RPTOR: variants seen among roughly 807,000 people sequenced by gnomAD.
The protein encoded by RPTOR is regulatory associated protein of MTOR complex 1, also known as regulatory-associated protein of mTOR.
RPTOR carries 21 observed loss-of-function variants against 169.9 expected under a neutral mutation model. That is an observed-to-expected ratio of 0.12 (90% CI 0.09 to 0.18). The LOEUF (loss-of-function observed/expected upper bound fraction) is 0.18, where lower values mean the gene tolerates loss of function less well. Among genes scored for constraint, RPTOR ranks in the 10% least tolerant of loss-of-function variants. The pLI is 1.00. For synonymous variants in RPTOR, 732 were observed against 753.2 expected (o/e 0.97, Z 0.46); for missense variants, 1,133 against 1,855.9 (o/e 0.61, Z 7.16).
In RPTOR at chr17:80,649,335, G is replaced by A. The variant is rs551615422; in HGVS notation, c.348+5525G>A. ...CTGGTGAAAATGGCCCTATAATTGC[G>A]ATTGGCAGCATCCCTTGGCGTGCGG... On this transcript the variant is annotated intron_variant, in intron 3 of 33. Transcript: ENST00000306801. 1.1e-4 allele frequency among the ~76,000 whole-genome samples: 16 copies of A among 152,268 alleles called. No individual in the cohort carries two copies. In the South Asian group the frequency reaches 2.1e-3, roughly 20 times the overall value.
At chr17:80,758,391 C>T (rs1337240135) in intron 6 of RPTOR, among the ~76,000 whole-genome samples, 1 of 152,108 alleles carries the variant, frequency 6.6e-6, no homozygotes, top group Non-Finnish European at 1.5e-5. Flanking sequence ...TTGTGGGGTG[C>T]TTTGAATGCT....
intron 1 of RPTOR, among the ~76,000 whole-genome samples, chr17:80,569,085 A>G (rs1201162478): frequency 6.6e-6 from 1 of 152,126 alleles, no homozygotes; most frequent in Non-Finnish European, 1.5e-5. Context: ...AAATCCTTGA[A>G]CAAATTTGTA....
chr17:80,745,162 G>C (rs1412685923), intron 5 of RPTOR, among the ~76,000 whole-genome samples: 1 of 152,238 alleles, frequency 6.6e-6, no homozygotes, highest in Admixed American at 6.5e-5. Context: ...TCCTTTAGTT[G>C]ACTGTGAGAG....
At chr17:80,632,332 G>T (rs2065448643) in intron 2 of RPTOR, among the ~76,000 whole-genome samples, 3 of 152,232 alleles carry the variant, frequency 2.0e-5, no homozygotes, top group South Asian at 4.1e-4. Flanking sequence ...GTGCTCCGGG[G>T]ACGGGACGCG....
chr17:80,786,609 T>C (rs1259564286), intron 6 of RPTOR, among the ~76,000 whole-genome samples: 6 of 152,134 alleles, frequency 3.9e-5, no homozygotes, highest in Non-Finnish European at 8.8e-5. Flanking sequence ...CGAAAGTGAC[T>C]CCGGAGAATG....
chr17:80,694,756 G>A (rs2066022203), intron 3 of RPTOR, among the ~76,000 whole-genome samples: 1 of 152,230 alleles, frequency 6.6e-6, no homozygotes, highest in Admixed American at 6.5e-5. Flanking sequence ...TGATCAGGTT[G>A]TCGTGAGCTC....
intron 9 of RPTOR, among the ~76,000 whole-genome samples, chr17:80,834,274 C>T (rs1047201552): frequency 2.0e-5 from 3 of 152,238 alleles, no homozygotes; most frequent in African/African-American, 4.8e-5. Flanking sequence ...TGTCTTTCAG[C>T]GGTTTGTAGG....
intron 10 of RPTOR, among the ~76,000 whole-genome samples, chr17:80,839,720 G>A (rs1424408001): frequency 1.3e-5 from 2 of 152,252 alleles, no homozygotes; most frequent in South Asian, 2.1e-4. Flanking sequence ...GGAAACCTTC[G>A]GGAAACTGGC....
rs987507717 is a variant in RPTOR at position 80,860,335 on chromosome 17, G to A, written c.1509+2435G>A. Among the ~76,000 whole-genome samples the A allele has an allele frequency of 5.9e-5, 9 of 152,292 alleles. No homozygotes were observed. Among genetic ancestry groups the A allele is most frequent in the African/African-American group, 1.4e-4 (6 of 41,570 alleles). ...GGCAGGCACCCCGAGCCACAGGCTCGTACCCCGCACTGTGCGCTCTCACCC... is the reference window on the plus strand; with the variant it reads ...GGCAGGCACCCCGAGCCACAGGCTCATACCCCGCACTGTGCGCTCTCACCC... On this transcript the variant is annotated intron_variant, in intron 13 of 33. Transcript: ENST00000306801. The surrounding 1 kb of genome is among the most constrained non-coding windows in gnomAD (Gnocchi z 5.8).
At chr17:80,961,347 A>G (rs775018400) in intron 30 of RPTOR, 47 bp from the exon 31 acceptor site, 1 of 1,502,544 alleles carries the variant, frequency 6.7e-7, no homozygotes, top group African/African-American at 1.4e-5. Context: ...AAGGGTGGGG[A>G]CGTCCTTCAG....
chr17:80,827,629 G>T lies in RPTOR; in HGVS notation c.1136+4406G>T, dbSNP rs113594157. Among the ~76,000 whole-genome samples the T allele has an allele frequency of 2.8e-3, 421 of 152,266 alleles. 1 individual carries two copies. The highest frequency in any genetic ancestry group is 9.8e-3 in the African/African-American group (406 of 41,562). ...CCACACCTGGGACAGGGGTCCTGGG[G>T]CCACGTTCAAGCCTGTCCACCTCAG... On this transcript the variant is annotated intron_variant, in intron 9 of 33. Coordinates refer to ENST00000306801, the MANE Select transcript of RPTOR (RefSeq NM_020761.3).
intron 1 of RPTOR, among the ~76,000 whole-genome samples, chr17:80,618,366 C>A (rs2065328859): frequency 1.3e-5 from 2 of 149,730 alleles, no homozygotes; most frequent in Admixed American, 1.3e-4. Context: ...ATAACGATTC[C>A]TTTTATGAAA....
intron 13 of RPTOR, among the ~76,000 whole-genome samples, chr17:80,870,948 T>C (rs1400792135): frequency 6.6e-6 from 1 of 152,214 alleles, no homozygotes; most frequent in Non-Finnish European, 1.5e-5. Flanking sequence ...AATGTCCTTT[T>C]TCTGTCCCAG....
At chr17:80,747,534 G>A (rs2066587719) in intron 5 of RPTOR, among the ~76,000 whole-genome samples, 1 of 152,212 alleles carries the variant, frequency 6.6e-6, no homozygotes, top group South Asian at 2.1e-4. Context: ...GGCATATTTG[G>A]GATAAAGCTC....
intron 13 of RPTOR, among the ~76,000 whole-genome samples, chr17:80,868,246 C>G (rs9914551): frequency 0.062 from 9,449 of 152,186 alleles, 822 homozygotes; most frequent in African/African-American, 0.2. Context: ...AAAACAAACA[C>G]AAGCAGACAA....
At chr17:80,588,025 T>TCA (rs1568321635) in intron 1 of RPTOR, among the ~76,000 whole-genome samples, 1 of 152,196 alleles carries the variant, frequency 6.6e-6, no homozygotes, top group African/African-American at 2.4e-5. Flanking sequence ...CATGTGGTGT[T>TCA]TGTCCTTCTG....
intron 21 of RPTOR, chr17:80,909,943 C>T (rs1372601807): frequency 6.6e-6 from 1 of 152,178 alleles, no homozygotes; most frequent in African/African-American, 2.4e-5. Flanking sequence ...AGTCCTTTCT[C>T]TTTGGGGACT....
chr17:80,731,505 A>G (rs1031187695), intron 5 of RPTOR, among the ~76,000 whole-genome samples: 1 of 152,198 alleles, frequency 6.6e-6, no homozygotes, highest in Non-Finnish European at 1.5e-5. Context: ...AAGCCTGTGC[A>G]CCGCTCTGCT....
At position 80,964,648 on chromosome 17, in the gene RPTOR, A is replaced by G. The variant is rs2069402196; in HGVS notation, c.*318A>G. On this transcript the variant is annotated 3_prime_UTR_variant, in exon 34 of 34. Transcript: ENST00000306801. Reference sequence around the variant, plus strand: ...TCTCTGAGACGCTGAAAGGGGAAACACCTCACTTTATTTCCATGTAATCAG... The same window carrying G: ...TCTCTGAGACGCTGAAAGGGGAAACGCCTCACTTTATTTCCATGTAATCAG... 2.4e-6 allele frequency: 1 copy of G among 415,070 alleles called. No homozygotes were observed. The highest frequency in any genetic ancestry group is 2.0e-5 in the African/African-American group (1 of 50,530). The allele number at this position is 415,070 out of a possible 1,614,324, so 25.7% of individuals were successfully genotyped here.
Sources: gnomAD v4.1 joint callset for allele counts (sites outside exome capture counted in the v4.1 genomes callset) on GRCh38, gnomAD v4.1.1 for gene constraint, Gnocchi (gnomAD v3.1) non-coding constraint, MANE v1.5 for transcripts, NCBI Gene and HGNC (gene_info 2026-07-23, HGNC 2026-07-21) for gene names.